Variants in SLC2A9 observed in about 807,000 individuals in gnomAD.
SLC2A9 encodes the protein solute carrier family 2 member 9, also known as solute carrier family 2, facilitated glucose transporter member 9.
Under a neutral mutation model 50.6 loss-of-function variants are expected in SLC2A9, and 39 were observed. That is an observed-to-expected ratio of 0.77 (90% CI 0.60 to 1.01). SLC2A9 has a LOEUF of 1.01. SLC2A9 is among the 50% of genes least tolerant of loss of function. SLC2A9 has a pLI of 0.00. For synonymous variants in SLC2A9, 324 were observed against 276.9 expected (o/e 1.17, Z -1.69); for missense variants, 686 against 677.6 (o/e 1.01, Z -0.14).
chr4:9,916,953 A>T (rs1380544685), intron 7 of SLC2A9, among the ~76,000 whole-genome samples: 2 of 152,222 alleles, frequency 1.3e-5, no homozygotes, highest in African/African-American at 4.8e-5. Flanking sequence ...GATAAGATGC[A>T]GCCTCCATCT....
chr4:9,941,315 A>G (rs1053327097), intron 6 of SLC2A9, among the ~76,000 whole-genome samples: 4 of 152,274 alleles, frequency 2.6e-5, no homozygotes, highest in Admixed American at 2.6e-4. Context: ...AGAAAGCTAC[A>G]TGAGACAACT....
chr4:9,820,439 G>A (rs891993603), intron 3 of SLC2A9, among the ~76,000 whole-genome samples: 5 of 152,084 alleles, frequency 3.3e-5, no homozygotes, highest in African/African-American at 1.2e-4. Context: ...TTTGCCATTC[G>A]TATACATTTT....
At chr4:10,002,217 G>C (rs1445094018) in intron 2 of SLC2A9, among the ~76,000 whole-genome samples, 1 of 152,192 alleles carries the variant, frequency 6.6e-6, no homozygotes, top group African/African-American at 2.4e-5. Flanking sequence ...TGGCTCTCCA[G>C]CCCTCCCACT....
chr4:9,954,604 C>T (rs6814664), intron 5 of SLC2A9, among the ~76,000 whole-genome samples: 73,290 of 151,942 alleles, frequency 0.48, 19,059 homozygotes, highest in African/African-American at 0.67. Flanking sequence ...GGTAGCGGCC[C>T]TGGGTGAGTG....
intron 5 of SLC2A9, among the ~76,000 whole-genome samples, chr4:9,952,771 T>C (rs887788550): frequency 1.3e-5 from 2 of 152,200 alleles, no homozygotes; most frequent in Admixed American, 1.3e-4. Context: ...GCGATCTGCC[T>C]GCCACAGCTT....
chr4:9,942,179 G>T, intron 5 of SLC2A9, 134 bp from the exon 6 acceptor site: 1 of 1,107,054 alleles, frequency 9.0e-7, no homozygotes. Context: ...CAAAGGCTGA[G>T]GGAAGGAACT....
chr4:9,941,298 C>T (rs2110265009), intron 6 of SLC2A9, among the ~76,000 whole-genome samples: 1 of 152,306 alleles, frequency 6.6e-6, no homozygotes. Context: ...CCATTTAGGG[C>T]ATTTAAAGAA....
chr4:9,987,826 T>C (rs1331753878), intron 3 of SLC2A9, among the ~76,000 whole-genome samples: 1 of 151,876 alleles, frequency 6.6e-6, no homozygotes, highest in African/African-American at 2.4e-5. Context: ...AGACTCCGTC[T>C]TGAAAAAAAA....
Position 9,852,294 on chromosome 4 carries a change from G to A in SLC2A9, c.1292-17286C>T, listed in dbSNP as rs376184279. 1.9e-3 allele frequency among the ~76,000 whole-genome samples: 289 copies of A among 150,912 alleles called. 1 individual carries two copies. The highest frequency in any genetic ancestry group is 6.2e-3 in the East Asian group (32 of 5,148). On this transcript the variant is annotated intron_variant, in intron 10 of 11. Transcript: ENST00000264784. ...GGAGTCTCGCTCTGTCGCCCAGGCC[G>A]GACTGCGGACTGCAGTGGCGCAATC...
At chr4:9,961,094 G>A (rs1752193667) in intron 5 of SLC2A9, among the ~76,000 whole-genome samples, 2 of 152,194 alleles carry the variant, frequency 1.3e-5, no homozygotes, top group Admixed American at 1.3e-4. Context: ...GAAGTAACTT[G>A]TTCAAGTCAT....
rs369819275 is a variant in SLC2A9 at position 9,834,938 on chromosome 4, T to G, written c.1362A>C (p.Ala454=). 2 of 1,614,074 alleles carry G rather than the reference T, an allele frequency of 1.2e-6. No homozygotes were observed. Residue 454 remains alanine (A), a synonymous_variant, in exon 11 of 12, where the codon GCA becomes GCC. Transcript: ENST00000264784. ...QSQRPAAFII[A]GTVNWLSNFA... ...AGTTGGAGAGCCAGTTGACGGTGCC[T>G]GCAATGATGAAGGCAGCCGGCCGCT... is the stretch of plus-strand genomic sequence containing the variant.
chr4:10,000,761 C>G (rs1334524774), intron 2 of SLC2A9, among the ~76,000 whole-genome samples: 3 of 152,184 alleles, frequency 2.0e-5, no homozygotes, highest in Admixed American at 2.0e-4. Context: ...CCTTACTAAA[C>G]CAGTGTGGAA....
At chr4:9,795,007 C>T (rs1187530684), downstream of SLC2A9, among the ~76,000 whole-genome samples, 9 of 95,190 alleles carry the variant, frequency 9.5e-5, no homozygotes, top group South Asian at 4.1e-4. Flanking sequence ...TTAACCCATC[C>T]TTTTTTTTTT....
At chr4:10,039,788 G>A (rs544920159) in intron 1 of SLC2A9, among the ~76,000 whole-genome samples, 4 of 152,288 alleles carry the variant, frequency 2.6e-5, no homozygotes, top group Admixed American at 2.0e-4. Flanking sequence ...CTCAAAAGCA[G>A]GCAGTGTCAT....
In SLC2A9 at chr4:9,844,159, ATAAT is replaced by A. The variant is rs746971900; in HGVS notation, c.1292-9155_1292-9152del. ...AAGAGCCAGATTTAGTAAAAAAAAA[ATAAT>A]AATAAAAAAAAAAAAAAGTCCTTCT... is the stretch of plus-strand genomic sequence containing the variant. On this transcript the variant is annotated intron_variant, in intron 10 of 11. Transcript: ENST00000264784. Among the ~76,000 whole-genome samples, 75 of 36,432 alleles carry A rather than the reference ATAAT, an allele frequency of 2.1e-3. 24 individuals carry two copies. Among genetic ancestry groups the A allele is most frequent in the East Asian group, 3.5e-3 (9 of 2,602 alleles). 23.9% of individuals were successfully genotyped at this position (36,432 alleles called of 152,430 possible).
chr4:10,018,893 G>T, intron 2 of SLC2A9, 82 bp downstream of exon 2: 2 of 1,366,380 alleles, frequency 1.5e-6, no homozygotes, highest in Non-Finnish European at 2.0e-6. Context: ...ACAGGAGGGG[G>T]CGCTGGAGCC....
At position 10,001,835 on chromosome 4, in the gene SLC2A9, C is replaced by T. The variant is rs368346144; in HGVS notation, c.250-4894G>A. On this transcript the variant is annotated intron_variant, in intron 2 of 11. Coordinates refer to ENST00000264784, the MANE Select transcript of SLC2A9 (RefSeq NM_020041.3). Reference sequence around the variant, plus strand: ...TCCCCAGCATCAGAAGCCCTCTTCCCGCCTGGGAGACTTTCCTGCCTCAGA... The same window carrying T: ...TCCCCAGCATCAGAAGCCCTCTTCCTGCCTGGGAGACTTTCCTGCCTCAGA... Among the ~76,000 whole-genome samples the T allele has an allele frequency of 2.2e-4, 33 of 152,350 alleles. No homozygotes were observed. In the East Asian group the frequency reaches 5.6e-3, roughly 26 times the overall value.
At chr4:9,988,511 T>C (rs1757131289) in intron 3 of SLC2A9, among the ~76,000 whole-genome samples, 1 of 152,188 alleles carries the variant, frequency 6.6e-6, no homozygotes, top group Non-Finnish European at 1.5e-5. Flanking sequence ...GCAGTGAGGA[T>C]GGAAATGTGT....
At chr4:9,908,452 C>T (rs527710024) in intron 7 of SLC2A9, 107 bp from the exon 8 acceptor site, 1 of 769,818 alleles carries the variant, frequency 1.3e-6, no homozygotes, top group Non-Finnish European at 2.3e-6. Context: ...AACTCAGAGT[C>T]CCAAGGTGGA....
Sources: gnomAD v4.1 joint callset for allele counts (sites outside exome capture counted in the v4.1 genomes callset) on GRCh38, gnomAD v4.1.1 for gene constraint, MANE v1.5 for transcripts, NCBI Gene and HGNC (gene_info 2026-07-23, HGNC 2026-07-21) for gene names.